PZP: variants seen among roughly 807,000 people sequenced by gnomAD.
PZP encodes the protein PZP alpha-2-macroglobulin like, also known as pregnancy zone protein.
PZP carries 150 observed loss-of-function variants against 179.8 expected under a neutral mutation model. That is an observed-to-expected ratio of 0.83 (90% confidence interval 0.73 to 0.96). The LOEUF is 0.96. PZP is among the 40% of genes least tolerant of loss of function. The pLI is 0.00. For synonymous variants in PZP, 624 were observed against 652.3 expected, an observed-to-expected ratio of 0.96 and a Z score of 0.66; for missense variants, 1,689 against 1,764.0, an observed-to-expected ratio of 0.96 and a Z score of 0.76.
chr12:9,152,843 G>A lies in PZP; in HGVS notation c.4102C>T (p.Gln1368Ter). The A allele has an allele frequency of 6.2e-7, 1 of 1,614,134 alleles. No homozygotes were observed. Among genetic ancestry groups the A allele is most frequent in the Non-Finnish European group, 8.5e-7 (1 of 1,179,990 alleles). Residue 1368 changes from glutamine (Q) to a stop codon, truncating the protein, a stop_gained, in exon 31 of 36, where the codon CAG becomes TAG. Coordinates refer to ENST00000261336, the MANE Select transcript of PZP (RefSeq NM_002864.3). LOFTEE classifies it high-confidence loss of function. ...CDGHKAHTSFQISLTISYTGN... is the reference protein window; with the variant it reads ...CDGHKAHTSF ...TCTTACCTGATGGTCAGTGAGATCT[G>A]AAAGCTGGTGTGGGCTTTGTGTCCA... is the stretch of plus-strand genomic sequence containing the variant.
intron 33 of PZP, among the ~76,000 whole-genome samples, chr12:9,151,308 G>A (rs193179968): frequency 2.1e-4 from 32 of 152,066 alleles, no homozygotes; most frequent in African/African-American, 5.3e-4. Context: ...TATTCATATC[G>A]TCAGGGAGTG....
At chr12:9,178,882 CA>C (rs1205699772) in intron 15 of PZP, among the ~76,000 whole-genome samples, 2 of 152,080 alleles carry the variant, frequency 1.3e-5, no homozygotes, top group Admixed American at 6.6e-5. Flanking sequence ...AAAAATAGGA[CA>C]GGGGTCTCAG....
At chr12:9,200,688 T>G (rs1336690409) in intron 6 of PZP, among the ~76,000 whole-genome samples, 2 of 152,178 alleles carry the variant, frequency 1.3e-5, no homozygotes, top group Non-Finnish European at 2.9e-5. Flanking sequence ...ACAAGAAGTT[T>G]CATACTTGGC....
Position 9,192,749 on chromosome 12 carries a change from C to G in PZP, c.1255-10G>C. Reference sequence around the variant, plus strand: ...GATGCACAGTGAAAACCTGAGTAAACAGAAAAGCAAAGAAAGAATACTGTC... The same window carrying G: ...GATGCACAGTGAAAACCTGAGTAAAGAGAAAAGCAAAGAAAGAATACTGTC... On this transcript the variant is annotated splice_polypyrimidine_tract_variant and intron_variant, in intron 11 of 35. Coordinates refer to ENST00000261336, the MANE Select transcript of PZP (RefSeq NM_002864.3). 1 of 1,561,212 alleles carries G rather than the reference C, an allele frequency of 6.4e-7. No individual in the cohort carries two copies. The highest frequency in any genetic ancestry group is 8.8e-7 in the Non-Finnish European group (1 of 1,133,944).
chr12:9,183,157 A>T (rs1708371466), intron 13 of PZP, among the ~76,000 whole-genome samples: 1 of 152,194 alleles, frequency 6.6e-6, no homozygotes. Context: ...ACCCTTAGGA[A>T]TATTTTACAA....
Position 9,162,599 on chromosome 12 carries a change from G to C in PZP, c.2786C>G (p.Ser929Ter). Residue 929 changes from serine (S) to a stop codon, truncating the protein, a stop_gained and splice_region_variant, in exon 22 of 36, where the codon TCA (serine) becomes TGA (stop). Transcript: ENST00000261336. LOFTEE classifies it high-confidence loss of function. ...TGATTATGAAGATGGACTCTTACCT[G>C]AGGCACAGGTCATAGAACTGAAAGT... ...EKTFSSMTCA[S>*]GANVSEQLSL... 1 of 1,585,210 alleles carries C rather than the reference G, an allele frequency of 6.3e-7. No individual in the cohort carries two copies. Among genetic ancestry groups the C allele is most frequent in the Non-Finnish European group, 8.7e-7 (1 of 1,154,338 alleles).
the PZP span, among the ~76,000 whole-genome samples, chr12:9,137,374 T>C: frequency 6.6e-6 from 1 of 152,228 alleles, no homozygotes; most frequent in Non-Finnish European, 1.5e-5. Context: ...CTCTATTCTG[T>C]CATTGATGTT....
Position 9,192,733 on chromosome 12 carries a change from T to C in PZP, c.1261A>G (p.Thr421Ala), listed in dbSNP as rs1009006080. 6.2e-7 allele frequency: 1 copy of C among 1,600,440 alleles called. No individual in the cohort carries two copies. Among genetic ancestry groups the C allele is most frequent in the African/African-American group, 1.3e-5 (1 of 74,590 alleles). ...TGAAAACACAAGTTGGGATGCACAG[T>C]GAAAACCTGAGTAAACAGAAAAGCA... ...SVNKLFVRVF[T>A]VHPNLCFHYS... is the part of the protein sequence containing the mutation. The change falls in exon 12 of 36, where the codon ACT (threonine) becomes GCT (alanine). Residue 421 changes from threonine (T) to alanine (A), a missense_variant. Coordinates refer to ENST00000261336, the MANE Select transcript of PZP (RefSeq NM_002864.3).
chr12:9,139,995 T>C, the PZP span, among the ~76,000 whole-genome samples: 1 of 152,134 alleles, frequency 6.6e-6, no homozygotes, highest in Non-Finnish European at 1.5e-5. Flanking sequence ...GGGGAGGTTA[T>C]CTTGGGGCTG....
chr12:9,154,555 C>A lies in PZP; in HGVS notation c.3774+61G>T, dbSNP rs766893241. The A allele has an allele frequency of 9.2e-5, 136 of 1,476,744 alleles. No individual in the cohort carries two copies. The African/African-American group carries it at 1.8e-3, about 20-fold the overall frequency. 91.5% of individuals were successfully genotyped at this position (1,476,744 alleles called of 1,614,324 possible). On this transcript the variant is annotated intron_variant, in intron 29 of 35. Coordinates refer to ENST00000261336, the MANE Select transcript of PZP (RefSeq NM_002864.3). ...CTTCTCTTTTCCATTAACTGTTCTA[C>A]TTTTAAGCCTCCCAATTGCCAAGTG...
intron 17 of PZP, 127 bp downstream of exon 17, chr12:9,168,742 T>C: frequency 1.4e-6 from 1 of 726,546 alleles, no homozygotes; most frequent in Non-Finnish European, 2.3e-6. Flanking sequence ...CAAGAAACAA[T>C]TAATTTGAAT....
At chr12:9,139,932 T>C in the PZP span, among the ~76,000 whole-genome samples, 1 of 152,150 alleles carries the variant, frequency 6.6e-6, no homozygotes, top group Non-Finnish European at 1.5e-5. Flanking sequence ...AGGCTTGGAA[T>C]GTTTCTGTGT....
chr12:9,136,924 T>G, the PZP span, among the ~76,000 whole-genome samples: 34 of 152,350 alleles, frequency 2.2e-4, no homozygotes, highest in Non-Finnish European at 4.4e-4. Context: ...ATGTTTTGGA[T>G]AGCAACCCCT....
At position 9,181,048 on chromosome 12, in the gene PZP, C is replaced by T. The variant is rs767707066; in HGVS notation, c.1774G>A (p.Ala592Thr). 1.3e-5 allele frequency: 21 copies of T among 1,614,060 alleles called. No homozygotes were observed. The highest frequency in any genetic ancestry group is 1.2e-4 in the African/African-American group (9 of 74,930). Reference sequence around the variant, plus strand: ...ACACTTTGGTCCACAGCACGAAGGGCACAGAGGGACTGCGGAGCAGCTGCT... The same window carrying T: ...ACACTTTGGTCCACAGCACGAAGGGTACAGAGGGACTGCGGAGCAGCTGCT... ...QVAAAPQSLC[A>T]LRAVDQSVLL... The change falls in exon 15 of 36, where the codon GCC becomes ACC. Residue 592 changes from alanine (A) to threonine (T), a missense_variant. Physicochemically the swap from Ala to Thr is moderately conservative, Grantham distance 58 (BLOSUM62 0). Coordinates refer to ENST00000261336, the MANE Select transcript of PZP (RefSeq NM_002864.3).
At chr12:9,177,895 C>T (rs1369170962) in intron 15 of PZP, among the ~76,000 whole-genome samples, 2 of 152,142 alleles carry the variant, frequency 1.3e-5, no homozygotes, top group Non-Finnish European at 2.9e-5. Context: ...ATAGCTTAGA[C>T]TAGACTTCCA....
At chr12:9,203,732 C>G in intron 2 of PZP, 36 bp downstream of exon 2, 1 of 1,607,814 alleles carries the variant, frequency 6.2e-7, no homozygotes, top group Non-Finnish European at 8.5e-7. Flanking sequence ...TAAAATGTAT[C>G]AAGCAGGGAT....
At chr12:9,203,337 CTTTTTT>C (rs528084441) in intron 2 of PZP, among the ~76,000 whole-genome samples, 7,096 of 114,472 alleles carry the variant, frequency 0.062, 330 homozygotes, top group African/African-American at 0.16. Context: ...AACTACATTC[CTTTTTT>C]TTTTTTTTTT....
chr12:9,192,622 C>T lies in PZP; in HGVS notation c.1372G>A (p.Glu458Lys). 1 of 1,614,142 alleles carries T rather than the reference C, an allele frequency of 6.2e-7. No homozygotes were observed. Among genetic ancestry groups the T allele is most frequent in the Non-Finnish European group, 8.5e-7 (1 of 1,179,986 alleles). ...FSLSGSYIHL[E>K]PVAGTLPCGH... ...CAGGGCAGGGTACCAGCCACAGGCT[C>T]CAGGTGAATGTAACTTCCACTTAAG... Residue 458 changes from glutamate to lysine, a missense_variant, in exon 12 of 36, where the codon GAG becomes AAG. Physicochemically the swap from Glu to Lys is moderately conservative, Grantham distance 56. This residue lies in a region of PZP where 742 missense variants were observed against 730.5 expected (regional missense o/e 1.02). Transcript: ENST00000261336.
chr12:9,138,004 T>C, the PZP span, among the ~76,000 whole-genome samples: 3 of 152,074 alleles, frequency 2.0e-5, no homozygotes, highest in African/African-American at 7.2e-5. Flanking sequence ...TTTGGTAGGC[T>C]TTAATTTATT....
Sources: gnomAD v4.1 joint callset for allele counts (sites outside exome capture counted in the v4.1 genomes callset) on GRCh38, gnomAD v4.1.1 for gene constraint, gnomAD v4.1.1 regional missense constraint, MANE v1.5 for transcripts, NCBI Gene and HGNC (gene_info 2026-07-23, HGNC 2026-07-21) for gene names.